The following KCNAB1 variants were observed in gnomAD, a reference collection of about 807,000 sequenced individuals.
The protein encoded by KCNAB1 is voltage-gated potassium channel subunit beta-1.
A neutral mutation model predicts 64.6 loss-of-function variants in KCNAB1; 35 were observed. That is an observed-to-expected ratio of 0.54 (90% confidence interval 0.41 to 0.72). The LOEUF (loss-of-function observed/expected upper bound fraction) is 0.72. Among genes scored for constraint, KCNAB1 ranks in the 30% least tolerant of loss-of-function variants. The pLI is 0.00. For missense variants in KCNAB1, 401 were observed against 512.9 expected, an observed-to-expected ratio of 0.78 and a Z score of 2.11; for synonymous variants, 177 against 183.8, an observed-to-expected ratio of 0.96 and a Z score of 0.30.
chr3:156,270,851 G>A (rs1370882155), intron 1 of KCNAB1, among the ~76,000 whole-genome samples: 1 of 152,014 alleles, frequency 6.6e-6, no homozygotes, highest in Non-Finnish European at 1.5e-5. Flanking sequence ...ATTCCTTTTA[G>A]CATTTCTCGT....
At chr3:156,264,109 T>A (rs1318623853) in intron 1 of KCNAB1, among the ~76,000 whole-genome samples, 1 of 152,162 alleles carries the variant, frequency 6.6e-6, no homozygotes, top group Non-Finnish European at 1.5e-5. Context: ...TATACATTTA[T>A]AATTGTCATA....
chr3:156,202,058 T>A (rs1714367157), intron 1 of KCNAB1, among the ~76,000 whole-genome samples: 1 of 152,090 alleles, frequency 6.6e-6, no homozygotes, highest in African/African-American at 2.4e-5. Context: ...TCAGGTACAA[T>A]AGTTTCTCTG....
chr3:156,501,422 CTTTTTTT>C (rs34628325), intron 8 of KCNAB1, among the ~76,000 whole-genome samples: 1 of 82,524 alleles, frequency 1.2e-5, no homozygotes, highest in Non-Finnish European at 2.3e-5. Context: ...GACTTAGTAC[CTTTTTTT>C]TTTTTTTTTT....
intron 1 of KCNAB1, among the ~76,000 whole-genome samples, chr3:156,419,862 T>G (rs1715351337): frequency 6.6e-6 from 1 of 152,226 alleles, no homozygotes; most frequent in Non-Finnish European, 1.5e-5. Flanking sequence ...AAATTCTCCC[T>G]ACAATATAGC....
At chr3:156,207,390 C>T (rs1419522715) in intron 1 of KCNAB1, among the ~76,000 whole-genome samples, 1 of 152,192 alleles carries the variant, frequency 6.6e-6, no homozygotes, top group African/African-American at 2.4e-5. Flanking sequence ...CTCTTTATGA[C>T]TCTGTCTACC....
chr3:156,174,512 A>G (rs997930787), intron 1 of KCNAB1, among the ~76,000 whole-genome samples: 5 of 152,168 alleles, frequency 3.3e-5, no homozygotes, highest in Admixed American at 3.3e-4. Context: ...AGAGAATGCC[A>G]TGCTTCTTTA....
intron 1 of KCNAB1, among the ~76,000 whole-genome samples, chr3:156,401,532 C>T (rs140735015): frequency 8.3e-4 from 127 of 152,306 alleles, no homozygotes; most frequent in African/African-American, 2.9e-3. Context: ...TCTGGCCCCT[C>T]GATGTCCAAG....
intron 7 of KCNAB1, among the ~76,000 whole-genome samples, chr3:156,468,999 G>A (rs555208984): frequency 1.3e-5 from 2 of 152,328 alleles, no homozygotes; most frequent in South Asian, 2.1e-4. Context: ...ACAGAACCAC[G>A]CTGAATGAAC....
At position 156,158,164 on chromosome 3, in the gene KCNAB1, C is replaced by CAAA. The variant is rs1324815125; in HGVS notation, c.275+37287_275+37289dup. 3.7e-4 allele frequency among the ~76,000 whole-genome samples: 16 copies of CAAA among 42,894 alleles called. No homozygotes were observed. The East Asian group carries it at 8.7e-3, about 23-fold the overall frequency. The allele number at this position is 42,894 out of a possible 152,430, so 28.1% of individuals were successfully genotyped here. On this transcript the variant is annotated intron_variant, in intron 1 of 13. Coordinates refer to ENST00000490337, the MANE Select transcript of KCNAB1 (RefSeq NM_172160.3). Reference sequence around the variant, plus strand: ...TGGGTGACAGAGCGAAACTCTGTCTCAAAAAAAAAAATAAAAAATAAATAA... The same window carrying CAAA: ...TGGGTGACAGAGCGAAACTCTGTCTCAAAAAAAAAAAAAATAAAAAATAAATAA...
chr3:156,492,196 C>T (rs1409661910), intron 8 of KCNAB1, among the ~76,000 whole-genome samples: 2 of 152,172 alleles, frequency 1.3e-5, no homozygotes, highest in Middle Eastern at 3.4e-3. Context: ...GTGAATTGAG[C>T]GTTTCTTTCT....
intron 1 of KCNAB1, among the ~76,000 whole-genome samples, chr3:156,314,837 AT>A (rs1326902992): frequency 6.6e-6 from 1 of 152,290 alleles, no homozygotes; most frequent in East Asian, 1.9e-4. Context: ...ACATGGTGAT[AT>A]CCCCATCTCT....
At chr3:156,292,812 G>A (rs1287248224) in intron 1 of KCNAB1, among the ~76,000 whole-genome samples, 2 of 152,118 alleles carry the variant, frequency 1.3e-5, no homozygotes, top group Admixed American at 6.5e-5. Flanking sequence ...CAAAGTGCTG[G>A]GATTACAGGA....
chr3:156,373,609 CT>C (rs973759434), intron 1 of KCNAB1, among the ~76,000 whole-genome samples: 10 of 152,048 alleles, frequency 6.6e-5, no homozygotes, highest in East Asian at 1.9e-4. Flanking sequence ...TAACAAAATA[CT>C]TTTTTTTAAG....
chr3:156,537,309 AT>A lies in KCNAB1; in HGVS notation c.*570del, dbSNP rs1287706895. The A allele has an allele frequency of 6.2e-5, 22 of 353,318 alleles. No homozygotes were observed. Among genetic ancestry groups the A allele is most frequent in the African/African-American group, 8.4e-5 (4 of 47,482 alleles). The allele number at this position is 353,318 out of a possible 1,614,324, so 21.9% of individuals were successfully genotyped here. A position where few individuals can be genotyped will look rare whatever the true frequency, so the allele number is the denominator to read the frequency against. ...AGAATAAGCAGAAATAATTTTATAT[AT>A]TTTTTTTCTATTTTCACATTCATAC... On this transcript the variant is annotated 3_prime_UTR_variant, in exon 14 of 14. Coordinates refer to ENST00000490337, the MANE Select transcript of KCNAB1 (RefSeq NM_172160.3).
chr3:156,237,432 C>T (rs536546462), intron 1 of KCNAB1, among the ~76,000 whole-genome samples: 3 of 151,572 alleles, frequency 2.0e-5, no homozygotes, highest in Admixed American at 1.3e-4. Context: ...AATGGAAAAA[C>T]GAGAATTAAA....
chr3:156,275,333 C>T (rs546025605), intron 1 of KCNAB1, among the ~76,000 whole-genome samples: 5 of 152,290 alleles, frequency 3.3e-5, no homozygotes, highest in Admixed American at 2.6e-4. Flanking sequence ...TCTGAGCATT[C>T]AGTGAGTAAT....
chr3:156,132,434 GT>G (rs1334993192), intron 1 of KCNAB1, among the ~76,000 whole-genome samples: 3 of 152,196 alleles, frequency 2.0e-5, no homozygotes, highest in Admixed American at 6.5e-5. Context: ...CTGTCAGAGT[GT>G]TTCTCATTGC....
intron 1 of KCNAB1, among the ~76,000 whole-genome samples, chr3:156,391,446 C>G (rs962858562): frequency 3.9e-5 from 6 of 152,136 alleles, no homozygotes; most frequent in Non-Finnish European, 8.8e-5. Context: ...GAAAATTTAG[C>G]AGAACTCAGA....
chr3:156,295,911 G>A (rs1397691195), intron 1 of KCNAB1, among the ~76,000 whole-genome samples: 1 of 152,074 alleles, frequency 6.6e-6, no homozygotes, highest in Non-Finnish European at 1.5e-5. Flanking sequence ...ATACGTTATT[G>A]TTAATTATAG....
Sources: allele counts gnomAD v4.1 joint callset (sites outside exome capture counted in the v4.1 genomes callset), GRCh38; gene constraint gnomAD v4.1.1; transcripts MANE v1.5; gene names NCBI Gene and HGNC (gene_info 2026-07-23, HGNC 2026-07-21).